DENND5B: variants seen among roughly 807,000 people sequenced by gnomAD.
The protein encoded by DENND5B is DENN domain-containing protein 5B.
In DENND5B, 34 loss-of-function variants were observed where a neutral mutation model predicts 140.6. That is an observed-to-expected ratio of 0.24 (90% CI 0.18 to 0.32). The LOEUF is 0.32. DENND5B is among the 10% of genes least tolerant of loss of function. The pLI, the probability that DENND5B is intolerant of heterozygous loss-of-function variation, is 1.00. For synonymous variants in DENND5B, 551 were observed against 562.1 expected, an observed-to-expected ratio of 0.98 and a Z score of 0.28; for missense variants, 1,142 against 1,560.2, an observed-to-expected ratio of 0.73 and a Z score of 4.52.
At chr12:31,555,742 C>G (rs780455392) in intron 1 of DENND5B, among the ~76,000 whole-genome samples, 117 of 152,160 alleles carry the variant, frequency 7.7e-4, no homozygotes, top group Admixed American at 1.6e-3. Flanking sequence ...AATCAAACAA[C>G]TAACTTGGCA....
chr12:31,503,976 T>A (rs1482120988), intron 1 of DENND5B, among the ~76,000 whole-genome samples: 3 of 152,100 alleles, frequency 2.0e-5, no homozygotes, highest in Non-Finnish European at 4.4e-5. Flanking sequence ...ACCAGTTATA[T>A]AGAGAACTAC....
intron 1 of DENND5B, among the ~76,000 whole-genome samples, chr12:31,538,616 C>CA (rs1222369890): frequency 6.6e-6 from 1 of 152,154 alleles, no homozygotes; most frequent in East Asian, 1.9e-4. Context: ...CCTGTAATCC[C>CA]AGTACTTTGG....
At chr12:31,388,168 G>A (rs1211586188) in intron 20 of DENND5B, among the ~76,000 whole-genome samples, 1 of 149,014 alleles carries the variant, frequency 6.7e-6, no homozygotes, top group African/African-American at 2.5e-5. Flanking sequence ...CTGTGGCAAG[G>A]CATGCCACAG....
chr12:31,505,122 T>C (rs1947147305), intron 1 of DENND5B, among the ~76,000 whole-genome samples: 1 of 152,196 alleles, frequency 6.6e-6, no homozygotes, highest in South Asian at 2.1e-4. Flanking sequence ...CGTTTTGACT[T>C]TCTGACTATA....
chr12:31,494,588 AAG>A (rs1946687473), intron 2 of DENND5B, among the ~76,000 whole-genome samples: 1 of 152,216 alleles, frequency 6.6e-6, no homozygotes, highest in Admixed American at 6.5e-5. Flanking sequence ...TAAAAACTGA[AAG>A]TACCTCTGAT....
At chr12:31,431,760 C>T (rs1022710767) in intron 8 of DENND5B, among the ~76,000 whole-genome samples, 6 of 152,118 alleles carry the variant, frequency 3.9e-5, no homozygotes, top group Middle Eastern at 3.4e-3. Context: ...TGAAGTAAGG[C>T]AATTTGCTAT....
At chr12:31,416,389 G>A (rs796971247) in intron 11 of DENND5B, among the ~76,000 whole-genome samples, 10 of 151,820 alleles carry the variant, frequency 6.6e-5, no homozygotes, top group South Asian at 2.1e-4. Context: ...TCAGCCTCCC[G>A]AGTAGCTGGG....
At chr12:31,464,915 T>G (rs1945189163) in intron 3 of DENND5B, 1 of 152,210 alleles carries the variant, frequency 6.6e-6, no homozygotes, top group Non-Finnish European at 1.5e-5. Flanking sequence ...TATGACCTAC[T>G]ACATGATGAG....
chr12:31,584,505 C>A (rs1230701749), intron 1 of DENND5B, among the ~76,000 whole-genome samples: 1 of 152,176 alleles, frequency 6.6e-6, no homozygotes, highest in Non-Finnish European at 1.5e-5. Flanking sequence ...ATACCTGAGG[C>A]TGGGTAGTCT....
chr12:31,555,754 T>C (rs1171041930), intron 1 of DENND5B, among the ~76,000 whole-genome samples: 1 of 152,206 alleles, frequency 6.6e-6, no homozygotes, highest in Non-Finnish European at 1.5e-5. Flanking sequence ...AACTTGGCAA[T>C]GACAGGTGCC....
chr12:31,451,080 G>C (rs1057439314), intron 5 of DENND5B, among the ~76,000 whole-genome samples: 1 of 152,104 alleles, frequency 6.6e-6, no homozygotes, highest in Non-Finnish European at 1.5e-5. Flanking sequence ...CTTAAAATGA[G>C]ATAGAGAAAT....
chr12:31,533,789 G>C (rs1948383802), intron 1 of DENND5B, among the ~76,000 whole-genome samples: 1 of 152,158 alleles, frequency 6.6e-6, no homozygotes, highest in Non-Finnish European at 1.5e-5. Context: ...AACTGTGGTA[G>C]GGGAGGCAGT....
At chr12:31,531,623 C>T (rs1189408709) in intron 1 of DENND5B, among the ~76,000 whole-genome samples, 1 of 152,174 alleles carries the variant, frequency 6.6e-6, no homozygotes, top group African/African-American at 2.4e-5. Flanking sequence ...TCAGAAGTTA[C>T]TTCCATAAGA....
At chr12:31,451,754 T>C in intron 5 of DENND5B, 186 bp downstream of exon 5, 1 of 633,846 alleles carries the variant, frequency 1.6e-6, no homozygotes, top group Non-Finnish European at 2.6e-6. Flanking sequence ...TTATCTAATG[T>C]AAAAATACTT....
chr12:31,389,190 C>G, intron 20 of DENND5B, 134 bp downstream of exon 20: 1 of 843,104 alleles, frequency 1.2e-6, no homozygotes, highest in Non-Finnish European at 1.7e-6. Context: ...GAGTGAGACT[C>G]TGTTTCAAAA....
intron 1 of DENND5B, among the ~76,000 whole-genome samples, chr12:31,499,944 T>C (rs541385078): frequency 1.2e-4 from 18 of 152,354 alleles, no homozygotes; most frequent in African/African-American, 4.3e-4. Context: ...CATATTCTCT[T>C]CTTAATGCTT....
At chr12:31,485,245 G>C (rs576408132) in intron 2 of DENND5B, among the ~76,000 whole-genome samples, 3 of 152,252 alleles carry the variant, frequency 2.0e-5, no homozygotes, top group African/African-American at 7.2e-5. Context: ...TAACGAATTG[G>C]GCTATGCAGT....
chr12:31,543,499 G>A (rs1253479901), intron 1 of DENND5B, among the ~76,000 whole-genome samples: 9 of 152,114 alleles, frequency 5.9e-5, no homozygotes, highest in South Asian at 2.1e-4. Flanking sequence ...AGGCTGTTAC[G>A]GAAGTTTAAG....
chr12:31,505,072 G>A (rs1214821712), intron 1 of DENND5B, among the ~76,000 whole-genome samples: 1 of 152,074 alleles, frequency 6.6e-6, no homozygotes, highest in Non-Finnish European at 1.5e-5. Flanking sequence ...ACAGCAGTTA[G>A]CTATTCATGT....
Sources: allele counts gnomAD v4.1 joint callset (sites outside exome capture counted in the v4.1 genomes callset), GRCh38; gene constraint gnomAD v4.1.1; transcripts MANE v1.5; gene names NCBI Gene and HGNC (gene_info 2026-07-23, HGNC 2026-07-21).